Variants in NEMF observed in about 807,000 individuals in gnomAD.
The protein encoded by NEMF is ribosome quality control complex subunit NEMF.
A neutral mutation model predicts 162.2 loss-of-function variants in NEMF; 89 were observed. That is an observed-to-expected ratio of 0.55 (90% CI 0.46 to 0.65). NEMF has a LOEUF of 0.65. NEMF is among the 30% of genes least tolerant of loss of function. NEMF has a pLI of 0.00. For synonymous variants in NEMF, 421 were observed against 404.5 expected, an observed-to-expected ratio of 1.04 and a Z score of -0.49; for missense variants, 1,133 against 1,261.9, an observed-to-expected ratio of 0.90 and a Z score of 1.55.
intron 18 of NEMF, among the ~76,000 whole-genome samples, chr14:49,813,359 A>G (rs1160041479): frequency 1.3e-5 from 2 of 152,186 alleles, no homozygotes; most frequent in Non-Finnish European, 1.5e-5. Context: ...TTCAGATAGG[A>G]TACTCAACCT....
At chr14:49,841,578 G>GAAAAAAAA (rs535773426) in intron 4 of NEMF, among the ~76,000 whole-genome samples, 1 of 73,314 alleles carries the variant, frequency 1.4e-5, no homozygotes, top group African/African-American at 4.8e-5. Flanking sequence ...CTCGTCTTAA[G>GAAAAAAAA]AAAAAAAAAA....
chr14:49,834,418 A>C lies in NEMF; in HGVS notation c.606T>G (p.Leu202=), dbSNP rs1267103380. The stretch of plus-strand genomic sequence containing the variant: ...CATTACCCGAGAATCCATTTTCTAA[A>C]AGACAGTGTTCAATGAGAGCTGGTC... The part of the protein sequence containing the change: ...PYGPALIEHC[L]LENGFSGNVK... The change falls in exon 7 of 33, where the codon CTT becomes CTG. Residue 202 remains leucine, a synonymous_variant. Coordinates refer to ENST00000298310, the MANE Select transcript of NEMF (RefSeq NM_004713.6). The C allele has an allele frequency of 6.2e-7, 1 of 1,608,032 alleles. No homozygotes were observed. The highest frequency in any genetic ancestry group is 8.5e-7 in the Non-Finnish European group (1 of 1,174,514).
At chr14:49,809,807 G>A (rs1047317803) in intron 18 of NEMF, among the ~76,000 whole-genome samples, 44 of 151,844 alleles carry the variant, frequency 2.9e-4, no homozygotes, top group African/African-American at 9.2e-4. Context: ...GTTGCAGTAA[G>A]CTGAGATTAC....
In NEMF at chr14:49,789,190, G is replaced by A. The variant is rs757629295; in HGVS notation, c.2851C>T (p.His951Tyr). 1.2e-6 allele frequency: 2 copies of A among 1,614,092 alleles called. No individual in the cohort carries two copies. The highest frequency in any genetic ancestry group is 1.7e-6 in the Non-Finnish European group (2 of 1,180,000). ...TCTACAGCAAAGTCTTGTAACTCATGAGTTATAACCTCAAGGAACGGAGTT... is the reference window on the plus strand; with the variant it reads ...TCTACAGCAAAGTCTTGTAACTCATAAGTTATAACCTCAAGGAACGGAGTT... ...KETPFLEVIT[H>Y]ELQDFAVDDP... The change falls in exon 28 of 33, where the codon CAT (histidine) becomes TAT (tyrosine). Residue 951 changes from histidine (H) to tyrosine (Y), a missense_variant. His to Tyr is a moderately conservative substitution (Grantham distance 83). This residue lies in a region of NEMF where 532 missense variants were observed against 578.6 expected (regional missense o/e 0.92). Coordinates refer to ENST00000298310, the MANE Select transcript of NEMF (RefSeq NM_004713.6).
intron 22 of NEMF, 71 bp from the exon 23 acceptor site, chr14:49,800,767 T>C: frequency 7.2e-7 from 1 of 1,393,422 alleles, no homozygotes; most frequent in Non-Finnish European, 9.8e-7. Context: ...AAAAATGTCA[T>C]AAAAATATTC....
Position 49,814,814 on chromosome 14 carries a change from TTAGA to T in NEMF, c.1617_1620del (p.Tyr539Ter), listed in dbSNP as rs755352339. On this transcript the variant is annotated frameshift_variant, in exon 17 of 33. Coordinates refer to ENST00000298310, the MANE Select transcript of NEMF (RefSeq NM_004713.6). LOFTEE classifies it high-confidence loss of function. The stretch of plus-strand genomic sequence containing the variant: ...TGTTGCTGATCTCGTCCACCTATAA[TTAGA>T]TAGTTCTCTGAGCTAATGAACCACA... 6 of 1,595,710 alleles carry T rather than the reference TTAGA, an allele frequency of 3.8e-6. No homozygotes were observed. Among genetic ancestry groups the T allele is most frequent in the Non-Finnish European group, 5.1e-6 (6 of 1,173,672 alleles).
chr14:49,794,995 C>T (rs901838959), intron 26 of NEMF, among the ~76,000 whole-genome samples: 11 of 152,012 alleles, frequency 7.2e-5, no homozygotes, highest in East Asian at 1.9e-4. Context: ...TGAGATTACA[C>T]GCATGAGCCA....
intron 22 of NEMF, 129 bp downstream of exon 22, chr14:49,802,324 G>A (rs980653161): frequency 2.0e-5 from 18 of 892,494 alleles, no homozygotes; most frequent in African/African-American, 6.9e-5. Context: ...AAAACAGCAC[G>A]TACTTTGGGT....
At position 49,829,066 on chromosome 14, in the gene NEMF, G is replaced by C. The variant is rs185928315; in HGVS notation, c.1220C>G (p.Thr407Arg). The part of the protein sequence containing the change: ...KELKLQTNHV[T>R]MLLRNPYLLS... Reference sequence around the variant, plus strand: ...GAGTCAAACTTACCTTAGCAGCATTGTAACATGGTTTGTTTGTAGTTTTAA... The same window carrying C: ...GAGTCAAACTTACCTTAGCAGCATTCTAACATGGTTTGTTTGTAGTTTTAA... The change falls in exon 13 of 33, where the codon ACA becomes AGA. Residue 407 changes from threonine (T) to arginine (R), a missense_variant. Coordinates refer to ENST00000298310, the MANE Select transcript of NEMF (RefSeq NM_004713.6). The C allele has an allele frequency of 6.2e-7, 1 of 1,613,844 alleles. No homozygotes were observed. Among genetic ancestry groups the C allele is most frequent in the Admixed American group, 1.7e-5 (1 of 60,020 alleles).
intron 4 of NEMF, among the ~76,000 whole-genome samples, chr14:49,843,614 T>C (rs1342199794): frequency 6.6e-6 from 1 of 152,186 alleles, no homozygotes; most frequent in African/African-American, 2.4e-5. Flanking sequence ...CGTAATAGAG[T>C]ATACTTACAC....
chr14:49,797,873 C>T (rs1890764006), intron 25 of NEMF, among the ~76,000 whole-genome samples: 1 of 152,152 alleles, frequency 6.6e-6, no homozygotes, highest in East Asian at 1.9e-4. Context: ...GATTCCTGGC[C>T]ACGGCTACCA....
At chr14:49,836,418 G>A in intron 6 of NEMF, among the ~76,000 whole-genome samples, 1 of 152,116 alleles carries the variant, frequency 6.6e-6, no homozygotes, top group South Asian at 2.1e-4. Context: ...TTGGGAGGCT[G>A]AGGCGGGCAG....
At chr14:49,810,361 C>T (rs59774596) in intron 18 of NEMF, among the ~76,000 whole-genome samples, 2,571 of 151,910 alleles carry the variant, frequency 0.017, 70 homozygotes, top group African/African-American at 0.059. Context: ...TGCAAGACTC[C>T]ATCTCAAAAA....
intron 16 of NEMF, chr14:49,820,357 G>T: frequency 2.2e-6 from 1 of 451,374 alleles, no homozygotes; most frequent in South Asian, 1.6e-5. Context: ...TGAGTTTGGT[G>T]CCATGACAGA....
At chr14:49,852,343 C>T (rs1042491141) in intron 1 of NEMF, among the ~76,000 whole-genome samples, 1 of 152,190 alleles carries the variant, frequency 6.6e-6, no homozygotes, top group Non-Finnish European at 1.5e-5. Flanking sequence ...AGAAACCAAG[C>T]CCCCAGTCTG....
In NEMF at chr14:49,784,951, C is replaced by G; in HGVS notation, c.3127G>C (p.Glu1043Gln). Residue 1043 changes from glutamate to glutamine, a missense_variant, in exon 32 of 33, where the codon GAA becomes CAA. Transcript: ENST00000298310. ...FMHSKEATAREKDLFRSVKDT... is the reference protein window; with the variant it reads ...FMHSKEATARQKDLFRSVKDT... ...TTTACGCTGCGGAATAAGTCTTTTT[C>G]TCTTGCTGTTGCTTCTTTGGAATGC... 6.2e-7 allele frequency: 1 copy of G among 1,613,828 alleles called. No homozygotes were observed. The highest frequency in any genetic ancestry group is 8.5e-7 in the Non-Finnish European group (1 of 1,179,850).
intron 26 of NEMF, 73 bp downstream of exon 26, chr14:49,795,718 A>T: frequency 7.1e-7 from 1 of 1,411,706 alleles, no homozygotes; most frequent in Non-Finnish European, 9.8e-7. Context: ...TTTCTATTTC[A>T]CTTCAACTTT....
chr14:49,806,230 G>GTATATATATATATA lies in NEMF; in HGVS notation c.1745-98_1745-97insTATATATATATATA, dbSNP rs1219496185. ...TGCCGCATGACAGGGTCAATGATAT[G>GTATATATATATATA]TGTATATATATATATATATATATAT... On this transcript the variant is annotated intron_variant, in intron 18 of 32. Transcript: ENST00000298310. 13 of 104,310 alleles carry GTATATATATATATA rather than the reference G, an allele frequency of 1.2e-4. No homozygotes were observed. In the African/African-American group the frequency reaches 2.0e-3, roughly 16 times the overall value. The allele number at this position is 104,310 out of a possible 1,614,324, so 6.5% of individuals were successfully genotyped here.
In NEMF at chr14:49,795,950, T is replaced by C. The variant is rs749755976; in HGVS notation, c.2466-6A>G. On this transcript the variant is annotated splice_region_variant and splice_polypyrimidine_tract_variant and intron_variant, in intron 25 of 32. Coordinates refer to ENST00000298310, the MANE Select transcript of NEMF (RefSeq NM_004713.6). Reference sequence around the variant, plus strand: ...GTTTTTTCTTTTTCATTTCCCTGAATAAAAAAGACATGAAAACATTTCATT... The same window carrying C: ...GTTTTTTCTTTTTCATTTCCCTGAACAAAAAAGACATGAAAACATTTCATT... 1.3e-6 allele frequency: 2 copies of C among 1,581,218 alleles called. No individual in the cohort carries two copies. Among genetic ancestry groups the C allele is most frequent in the African/African-American group, 2.8e-5 (2 of 72,668 alleles).
Sources: allele counts gnomAD v4.1 joint callset (sites outside exome capture counted in the v4.1 genomes callset), GRCh38; gene constraint gnomAD v4.1.1; regional missense constraint gnomAD v4.1.1; transcripts MANE v1.5; gene names NCBI Gene and HGNC (gene_info 2026-07-23, HGNC 2026-07-21).